The following COPG2 variants were observed in gnomAD, a reference collection of about 807,000 sequenced individuals.
The protein encoded by COPG2 is coat protein complex I subunit gamma 2.
In COPG2, 37 loss-of-function variants were observed where a neutral mutation model predicts 46.3. The observed-to-expected ratio is 0.80, with a 90% CI of 0.61 to 1.05. The LOEUF is 1.05. Ranked by LOEUF, COPG2 falls within the 50% of genes least tolerant of loss-of-function variation. COPG2 has a pLI of 0.00. For synonymous variants in COPG2, 159 were observed against 129.7 expected (o/e 1.23, Z -1.53); for missense variants, 427 against 387.8 (o/e 1.10, Z -0.85).
At chr7:130,653,628 T>C (rs1272445694) in intron 4 of COPG2, among the ~76,000 whole-genome samples, 1 of 152,198 alleles carries the variant, frequency 6.6e-6, no homozygotes, top group African/African-American at 2.4e-5. Flanking sequence ...GGATCTCTGA[T>C]TTATTCATAC....
rs1554451894 is a variant in COPG2, at chr7:130,610,642, T to C, written c.737+311A>G. 4 of 560,618 alleles carry C rather than the reference T, an allele frequency of 7.1e-6. No homozygotes were observed. In the Admixed American group the frequency reaches 7.9e-5, roughly 11 times the overall value. The allele number at this position is 560,618 out of a possible 1,614,324, so 34.7% of individuals were successfully genotyped here. ...TTCTCTTTTATAAAAATAAAAGGGA[T>C]AGGATAATTCTTAATGTCCCTGCCA... On this transcript the variant is annotated intron_variant, in intron 9 of 23. Coordinates refer to ENST00000425248, the MANE Select transcript of COPG2 (RefSeq NM_012133.6).
At chr7:130,637,202 T>C (rs546018849) in intron 5 of COPG2, among the ~76,000 whole-genome samples, 148 of 152,304 alleles carry the variant, frequency 9.7e-4, no homozygotes, top group African/African-American at 3.2e-3. Flanking sequence ...TTATGTGTTG[T>C]GGGGTTGCTC....
intron 20 of COPG2, among the ~76,000 whole-genome samples, chr7:130,520,216 G>A (rs2116345436): frequency 6.6e-6 from 1 of 152,272 alleles, no homozygotes; most frequent in Non-Finnish European, 1.5e-5. Flanking sequence ...TTCAAAGGGA[G>A]TTACAAAAGG....
chr7:130,607,282 T>G (rs1210339628), intron 9 of COPG2, among the ~76,000 whole-genome samples: 4 of 148,612 alleles, frequency 2.7e-5, no homozygotes, highest in African/African-American at 7.5e-5. Context: ...AATAAATAAA[T>G]AAAGTCATGG....
At chr7:130,516,276 GCT>G (rs1368362716) in intron 20 of COPG2, among the ~76,000 whole-genome samples, 2 of 152,178 alleles carry the variant, frequency 1.3e-5, no homozygotes, top group Non-Finnish European at 2.9e-5. Context: ...CAGGTTAGAT[GCT>G]ATCTAAGGGG....
At chr7:130,581,571 A>G (rs1212539526) in intron 9 of COPG2, among the ~76,000 whole-genome samples, 3 of 137,454 alleles carry the variant, frequency 2.2e-5, no homozygotes, top group Admixed American at 7.5e-5. Flanking sequence ...CTGTTTGCAG[A>G]TGACATGATT....
At chr7:130,653,673 T>C (rs184388186) in intron 4 of COPG2, among the ~76,000 whole-genome samples, 16 of 152,214 alleles carry the variant, frequency 1.1e-4, no homozygotes, top group African/African-American at 3.9e-4. Context: ...AGACACCAGG[T>C]TCCTCTAGTC....
At chr7:130,601,889 A>G (rs1794639485) in intron 9 of COPG2, among the ~76,000 whole-genome samples, 1 of 124,320 alleles carries the variant, frequency 8.0e-6, no homozygotes, top group Admixed American at 8.3e-5. Context: ...GAAGCAAAGA[A>G]GGAAGGAAGG....
At chr7:130,611,251 G>C in intron 8 of COPG2, 141 bp from the exon 9 acceptor site, 2 of 744,028 alleles carry the variant, frequency 2.7e-6, no homozygotes, top group Non-Finnish European at 4.2e-6. Flanking sequence ...TTTTCACACT[G>C]AACTAAACAC....
intron 5 of COPG2, among the ~76,000 whole-genome samples, chr7:130,640,158 C>CTTTTTTTTTT (rs11431866): frequency 4.1e-5 from 4 of 96,456 alleles, no homozygotes; most frequent in East Asian, 3.6e-4. Context: ...CACCACCAAC[C>CTTTTTTTTTT]TTTTTTTTTT....
At chr7:130,648,969 T>C (rs564431946) in intron 5 of COPG2, among the ~76,000 whole-genome samples, 2 of 152,318 alleles carry the variant, frequency 1.3e-5, no homozygotes, top group Non-Finnish European at 2.9e-5. Context: ...AGTCTTTCAC[T>C]TCATCCTCTC....
rs782410318 is a variant in COPG2, at chr7:130,613,555, C to T, written c.481G>A (p.Val161Ile). ...KVSSVSSSAL[V>I]SSLHMMKISY... ...GCTTGTTCACTTACCAGGGAAGATA[C>T]CAGTGCTGAACTGGATACACTGGAA... Residue 161 changes from valine (V) to isoleucine (I), a missense_variant, in exon 7 of 24, where the codon GTA becomes ATA. Physicochemically the swap from Val to Ile is conservative, Grantham distance 29. Transcript: ENST00000425248. 1 of 1,589,124 alleles carries T rather than the reference C, an allele frequency of 6.3e-7. No individual in the cohort carries two copies. The highest frequency in any genetic ancestry group is 8.6e-7 in the Non-Finnish European group (1 of 1,163,662).
At chr7:130,526,503 G>A (rs1209887190) in intron 20 of COPG2, among the ~76,000 whole-genome samples, 1 of 152,012 alleles carries the variant, frequency 6.6e-6, no homozygotes, top group Non-Finnish European at 1.5e-5. Flanking sequence ...AGCGCAACGG[G>A]GGAGTCACCT....
intron 20 of COPG2, among the ~76,000 whole-genome samples, chr7:130,524,707 A>G (rs1324952796): frequency 6.6e-6 from 1 of 152,140 alleles, no homozygotes; most frequent in African/African-American, 2.4e-5. Context: ...TAGTGTGGGT[A>G]AGATAAGCAA....
chr7:130,529,117 T>C (rs1799801041), intron 20 of COPG2, among the ~76,000 whole-genome samples: 1 of 152,116 alleles, frequency 6.6e-6, no homozygotes, highest in Non-Finnish European at 1.5e-5. Context: ...GAACCAAAAA[T>C]GTAGGACGGT....
Position 130,534,228 on chromosome 7 carries a change from A to C in COPG2, c.2149+13446T>G, listed in dbSNP as rs1039908239. On this transcript the variant is annotated intron_variant, in intron 20 of 23. Transcript: ENST00000425248. ...AGGGCCAAAGTAACTGGGGTTACAG[A>C]GAGGGCATCAGGAATCACTGCACAT... Among the ~76,000 whole-genome samples, 67 of 152,306 alleles carry C rather than the reference A, an allele frequency of 4.4e-4. 3 individuals carry two copies. The South Asian group carries it at 0.013, about 30-fold the overall frequency.
intron 9 of COPG2, among the ~76,000 whole-genome samples, chr7:130,581,946 C>T (rs1165302835): frequency 6.6e-6 from 1 of 151,564 alleles, no homozygotes; most frequent in Admixed American, 6.6e-5. Context: ...AGATTCAATG[C>T]CATCCCCATA....
At chr7:130,537,940 G>GA (rs1799898345) in intron 20 of COPG2, among the ~76,000 whole-genome samples, 1 of 152,162 alleles carries the variant, frequency 6.6e-6, no homozygotes, top group Admixed American at 6.5e-5. Flanking sequence ...GCGAGACGAT[G>GA]AAAGGCCAGA....
At chr7:130,604,679 C>T (rs782353712) in intron 9 of COPG2, 8 of 505,160 alleles carry the variant, frequency 1.6e-5, no homozygotes, top group Non-Finnish European at 2.3e-5. Flanking sequence ...ACTTATTGCA[C>T]AAAGTAAGCC....
Sources: gnomAD v4.1 joint callset for allele counts (sites outside exome capture counted in the v4.1 genomes callset) on GRCh38, gnomAD v4.1.1 for gene constraint, MANE v1.5 for transcripts, NCBI Gene and HGNC (gene_info 2026-07-23, HGNC 2026-07-21) for gene names.